DENND1B: variants seen among roughly 807,000 people sequenced by gnomAD.
DENND1B encodes DENN domain containing 1B.
A neutral mutation model predicts 90.1 loss-of-function variants in DENND1B; 59 were observed. The ratio of observed to expected loss-of-function variants is 0.65; its 90% CI spans 0.53 to 0.81. The LOEUF is 0.81. Among genes scored for constraint, DENND1B ranks in the 40% least tolerant of loss-of-function variants. The probability of loss-of-function intolerance (pLI) is 0.00; values close to 1 mark genes in which losing one functional copy is unlikely to be tolerated. For synonymous variants in DENND1B, 337 were observed against 324.6 expected, an observed-to-expected ratio of 1.04 and a Z score of -0.41; for missense variants, 862 against 912.6, an observed-to-expected ratio of 0.94 and a Z score of 0.71.
At chr1:197,715,333 G>C (rs1660543667) in intron 2 of DENND1B, among the ~76,000 whole-genome samples, 1 of 151,760 alleles carries the variant, frequency 6.6e-6, no homozygotes, top group Non-Finnish European at 1.5e-5. Context: ...AATCATTACT[G>C]TATTTCTTTT....
intron 3 of DENND1B, among the ~76,000 whole-genome samples, chr1:197,714,501 C>T (rs1435386917): frequency 6.6e-6 from 1 of 151,906 alleles, no homozygotes; most frequent in East Asian, 1.9e-4. Flanking sequence ...TAAATTCATC[C>T]AGTAGTCTTG....
intron 3 of DENND1B, among the ~76,000 whole-genome samples, chr1:197,685,033 G>A (rs1457163311): frequency 2.6e-5 from 4 of 152,050 alleles, no homozygotes; most frequent in South Asian, 2.1e-4. Flanking sequence ...CAGGAGAATC[G>A]CTTGAACCCA....
chr1:197,552,828 T>A (rs891220671), intron 16 of DENND1B, 194 bp downstream of exon 16: 1 of 1,336,088 alleles, frequency 7.5e-7, no homozygotes, highest in African/African-American at 1.5e-5. Flanking sequence ...GCCAACTTAA[T>A]GCCTTGAGTA....
chr1:197,765,462 C>A (rs993337883), intron 2 of DENND1B, among the ~76,000 whole-genome samples: 4 of 152,062 alleles, frequency 2.6e-5, no homozygotes, highest in African/African-American at 7.2e-5. Flanking sequence ...GTATACTGTA[C>A]ACAGTAAATT....
chr1:197,529,686 T>C (rs1180357625), intron 20 of DENND1B, among the ~76,000 whole-genome samples: 1 of 152,148 alleles, frequency 6.6e-6, no homozygotes, highest in African/African-American at 2.4e-5. Flanking sequence ...TTTAAAGAAA[T>C]TTCTTATTCT....
At chr1:197,601,402 T>C (rs1396533505) in intron 13 of DENND1B, among the ~76,000 whole-genome samples, 1 of 151,714 alleles carries the variant, frequency 6.6e-6, no homozygotes, top group African/African-American at 2.4e-5. Context: ...GGAACTGCTA[T>C]TGTGACAGTG....
chr1:197,598,048 A>C (rs1327960778), intron 13 of DENND1B, among the ~76,000 whole-genome samples: 1 of 151,906 alleles, frequency 6.6e-6, no homozygotes, highest in Non-Finnish European at 1.5e-5. Flanking sequence ...AAACACAATC[A>C]TACATGTGGC....
chr1:197,604,351 A>C (rs1676480080), intron 13 of DENND1B, among the ~76,000 whole-genome samples: 1 of 151,310 alleles, frequency 6.6e-6, no homozygotes, highest in African/African-American at 2.4e-5. Flanking sequence ...AATTTTAAAT[A>C]CCTTAAGAGT....
intron 20 of DENND1B, 78 bp downstream of exon 20, chr1:197,539,886 C>T (rs1342521746): frequency 8.2e-6 from 10 of 1,225,756 alleles, no homozygotes; most frequent in African/African-American, 4.6e-5. Flanking sequence ...TTAGTGGATC[C>T]AAATTGTTCC....
At chr1:197,657,065 T>C (rs771348064) in intron 6 of DENND1B, among the ~76,000 whole-genome samples, 9 of 152,080 alleles carry the variant, frequency 5.9e-5, no homozygotes, top group East Asian at 3.9e-4. Context: ...ACTAGATAAA[T>C]TGGACTTCAT....
At chr1:197,614,290 G>A (rs1677444287) in intron 11 of DENND1B, among the ~76,000 whole-genome samples, 1 of 150,946 alleles carries the variant, frequency 6.6e-6, no homozygotes, top group African/African-American at 2.4e-5. Context: ...AAACACAGAT[G>A]TTAGAACTGT....
intron 15 of DENND1B, among the ~76,000 whole-genome samples, chr1:197,577,042 A>G (rs1417137938): frequency 6.6e-6 from 1 of 152,188 alleles, no homozygotes; most frequent in Non-Finnish European, 1.5e-5. Flanking sequence ...ATTCAATCAG[A>G]CTGCATGAAT....
chr1:197,641,069 A>G (rs1380386681), intron 10 of DENND1B, among the ~76,000 whole-genome samples: 2 of 152,210 alleles, frequency 1.3e-5, no homozygotes, highest in African/African-American at 4.8e-5. Flanking sequence ...GCTAATAAAT[A>G]ATTGCTATTT....
chr1:197,521,471 C>T (rs1212417552), intron 20 of DENND1B, among the ~76,000 whole-genome samples: 1 of 151,746 alleles, frequency 6.6e-6, no homozygotes, highest in Non-Finnish European at 1.5e-5. Flanking sequence ...AATTAAGATG[C>T]TTGTAATACA....
intron 20 of DENND1B, among the ~76,000 whole-genome samples, chr1:197,534,984 G>T (rs537358126): frequency 2.0e-4 from 30 of 152,218 alleles, no homozygotes; most frequent in African/African-American, 7.2e-4. Context: ...AAATCAATGG[G>T]GCTGGATTAT....
rs144540292 is a variant in DENND1B at position 197,620,182 on chromosome 1, G to C, written c.673-2423C>G. On this transcript the variant is annotated intron_variant, in intron 10 of 22. Transcript: ENST00000620048. ...TCCATATTCACCTAGTAGCATGCAA[G>C]AGCTGTGAAACTTAAAAAAAAATGA... is the stretch of plus-strand genomic sequence containing the variant. Among the ~76,000 whole-genome samples, 667 of 151,146 alleles carry C rather than the reference G, an allele frequency of 4.4e-3. 10 individuals are homozygous for C. Among genetic ancestry groups the C allele is most frequent in the African/African-American group, 0.015 (624 of 41,332 alleles).
chr1:197,706,081 G>C (rs1338302330), intron 3 of DENND1B, among the ~76,000 whole-genome samples: 1 of 152,022 alleles, frequency 6.6e-6, no homozygotes. Context: ...GCTTATTTCT[G>C]AATGAACTGC....
chr1:197,543,358 T>C (rs1670485105), intron 18 of DENND1B, among the ~76,000 whole-genome samples: 1 of 152,300 alleles, frequency 6.6e-6, no homozygotes, highest in Admixed American at 6.5e-5. Context: ...ACATGTTTGC[T>C]TCATTGCTGC....
At chr1:197,677,682 G>C (rs1248586461) in intron 3 of DENND1B, among the ~76,000 whole-genome samples, 2 of 152,112 alleles carry the variant, frequency 1.3e-5, no homozygotes, top group African/African-American at 2.4e-5. Context: ...ACCCACAAGG[G>C]TCCTGAGTCT....
Sources: gnomAD v4.1 joint callset for allele counts (sites outside exome capture counted in the v4.1 genomes callset) on GRCh38, gnomAD v4.1.1 for gene constraint, MANE v1.5 for transcripts, NCBI Gene and HGNC (gene_info 2026-07-23, HGNC 2026-07-21) for gene names.